Variants in ZNF594 observed in about 807,000 individuals in gnomAD.
ZNF594 encodes zinc finger protein HZF18.
For synonymous variants in ZNF594, 336 were observed against 309.4 expected (o/e 1.09, Z -0.90); for missense variants, 1,037 against 964.6 (o/e 1.08, Z -0.99).
At chr17:5,186,235 G>A (rs2074385530) in intron 1 of ZNF594, among the ~76,000 whole-genome samples, 3 of 152,210 alleles carry the variant, frequency 2.0e-5, no homozygotes, top group Non-Finnish European at 2.9e-5. Context: ...TGAAATCCAG[G>A]TGGAAGTTCC....
downstream of ZNF594, among the ~76,000 whole-genome samples, chr17:5,179,287 G>A (rs2074323453): frequency 6.8e-6 from 1 of 147,888 alleles, no homozygotes; most frequent in African/African-American, 2.5e-5. Context: ...GACGTTGGCA[G>A]AATGGAGAAG....
At chr17:5,174,260 TAATA>T in the ZNF594 span, 115 of 189,362 alleles carry the variant, frequency 6.1e-4, no homozygotes, top group African/African-American at 2.4e-3. Context: ...TGTAGTTTCT[TAATA>T]TATACTTGAA....
rs772675858 is a variant in ZNF594 at position 5,181,066 on chromosome 17, GTT to G, written c.*765_*766del. 1.4e-5 allele frequency: 18 copies of G among 1,308,622 alleles called. No individual in the cohort carries two copies. Among genetic ancestry groups the G allele is most frequent in the Non-Finnish European group, 2.0e-5 (18 of 914,190 alleles). 81.1% of individuals were successfully genotyped at this position (1,308,622 alleles called of 1,614,324 possible). ...TTACCACAGTTGCTACATTCAAAGG[GTT>G]TCTCTCTGGTATGAATTCTTTGATG... On this transcript the variant is annotated 3_prime_UTR_variant, in exon 2 of 2. Transcript: ENST00000575779.
At chr17:5,188,377 G>C (rs1040819177) in intron 1 of ZNF594, among the ~76,000 whole-genome samples, 1 of 151,654 alleles carries the variant, frequency 6.6e-6, no homozygotes, top group Admixed American at 6.6e-5. Flanking sequence ...GATTTGATGA[G>C]GCGTTTGTGG....
intron 1 of ZNF594, among the ~76,000 whole-genome samples, chr17:5,187,855 T>C (rs1015992094): frequency 9.9e-5 from 15 of 151,244 alleles, no homozygotes; most frequent in African/African-American, 2.4e-4. Context: ...AATGTGTCCA[T>C]AGAACAGACC....
intron 1 of ZNF594, among the ~76,000 whole-genome samples, chr17:5,188,485 G>A (rs957889784): frequency 2.0e-5 from 3 of 151,918 alleles, no homozygotes; most frequent in Non-Finnish European, 2.9e-5. Flanking sequence ...ATTCATTATT[G>A]AGTAGTAATT....
intron 1 of ZNF594, among the ~76,000 whole-genome samples, chr17:5,185,400 T>C (rs912983782): frequency 2.0e-5 from 3 of 152,260 alleles, no homozygotes; most frequent in African/African-American, 7.2e-5. Flanking sequence ...ATGAGAATAG[T>C]AGGGGGGAAA....
rs756221521 is a variant in ZNF594, at chr17:5,182,735, T to G, written c.1522A>C (p.Arg508=). The G allele has an allele frequency of 1.9e-6, 3 of 1,614,032 alleles. No individual in the cohort carries two copies. In the East Asian group the frequency reaches 6.7e-5, roughly 36 times the overall value. Residue 508 remains arginine (R), a synonymous_variant, in exon 2 of 2, where the codon AGA becomes CGA. Coordinates refer to ENST00000575779, the MANE Select transcript of ZNF594 (RefSeq NM_032530.2). ...RRRSLLIQHR[R]IHSGEKPYEC... ...TAGGGTTTCTCACCACTATGAATTC[T>G]CCGATGTTGAATAAGGAGTGAACGC...
At position 5,182,074 on chromosome 17, in the gene ZNF594, C is replaced by A. The variant is rs780975054; in HGVS notation, c.2183G>T (p.Arg728Ile). ...TTCAAGTTTCTCTCCAGCATGCAGT[C>A]TCTGATGTTTGAGGAAAGCCGTGTG... ...MWHTAFLKHQ[R>I]LHAGEKLEEC... Residue 728 changes from arginine (R) to isoleucine (I), a missense_variant, in exon 2 of 2, where the codon AGA becomes ATA. Coordinates refer to ENST00000575779, the MANE Select transcript of ZNF594 (RefSeq NM_032530.2). The A allele has an allele frequency of 1.2e-6, 2 of 1,613,572 alleles. No homozygotes were observed. Among genetic ancestry groups the A allele is most frequent in the Non-Finnish European group, 1.7e-6 (2 of 1,180,020 alleles).
At chr17:5,187,311 T>C (rs904853344) in intron 1 of ZNF594, among the ~76,000 whole-genome samples, 2 of 152,196 alleles carry the variant, frequency 1.3e-5, no homozygotes, top group Non-Finnish European at 2.9e-5. Context: ...ACTTATTCAC[T>C]ACCATGAAAA....
rs1157444343 is a variant in ZNF594, at chr17:5,181,142, T to C, written c.*691A>G. The C allele has an allele frequency of 6.9e-6, 11 of 1,602,000 alleles. No homozygotes were observed. Among genetic ancestry groups the C allele is most frequent in the African/African-American group, 1.3e-5 (1 of 74,710 alleles). On this transcript the variant is annotated 3_prime_UTR_variant, in exon 2 of 2. Transcript: ENST00000575779. ...TGAAGGCCTTCCAACATTCAGGGCA[T>C]TCATAGGGTTTCTCTCCAGTATGAA...
intron 1 of ZNF594, among the ~76,000 whole-genome samples, chr17:5,185,408 A>G (rs1281612057): frequency 6.6e-6 from 1 of 152,178 alleles, no homozygotes. Flanking sequence ...AGTAGGGGGG[A>G]AACTGCCCCC....
downstream of ZNF594, among the ~76,000 whole-genome samples, chr17:5,179,279 C>T (rs556249895): frequency 2.4e-4 from 36 of 147,086 alleles, no homozygotes; most frequent in African/African-American, 7.7e-4. Flanking sequence ...AGGCCGGAGA[C>T]GTTGGCAGAA....
chr17:5,188,883 G>A (rs1027789423), intron 1 of ZNF594, among the ~76,000 whole-genome samples: 2 of 151,526 alleles, frequency 1.3e-5, no homozygotes, highest in African/African-American at 4.9e-5. Flanking sequence ...GAGTAGCTGG[G>A]ACTACAGGCG....
At chr17:5,175,133 A>C (rs1461001678), downstream of ZNF594, 1 of 164,102 alleles carries the variant, frequency 6.1e-6, no homozygotes, top group East Asian at 1.3e-4. Flanking sequence ...TGAGGTTGGA[A>C]ACTCTGTAGA....
At chr17:5,191,325 A>C (rs2074422600) in intron 1 of ZNF594, 1 of 152,256 alleles carries the variant, frequency 6.6e-6, no homozygotes, top group Non-Finnish European at 1.5e-5. Context: ...ACTGAGTAGT[A>C]GAACATATAT....
chr17:5,187,741 T>C (rs1368502877), intron 1 of ZNF594, among the ~76,000 whole-genome samples: 5 of 152,194 alleles, frequency 3.3e-5, no homozygotes, highest in Non-Finnish European at 5.9e-5. Flanking sequence ...ATCAAATATA[T>C]ATAAATACAC....
chr17:5,186,177 C>T (rs1211193990), intron 1 of ZNF594, among the ~76,000 whole-genome samples: 2 of 152,232 alleles, frequency 1.3e-5, no homozygotes, highest in Non-Finnish European at 2.9e-5. Flanking sequence ...GATCCCTGCC[C>T]CTGCAGCAAA....
intron 1 of ZNF594, among the ~76,000 whole-genome samples, chr17:5,186,042 T>C (rs1707777292): frequency 6.6e-6 from 1 of 152,204 alleles, no homozygotes; most frequent in Admixed American, 6.5e-5. Context: ...TCTACCATTC[T>C]GGGGTCTGGA....
Sources: allele counts gnomAD v4.1 joint callset (sites outside exome capture counted in the v4.1 genomes callset), GRCh38; gene constraint gnomAD v4.1.1; transcripts MANE v1.5; gene names NCBI Gene and HGNC (gene_info 2026-07-23, HGNC 2026-07-21).